The following TSHZ2 variants were observed in gnomAD, a reference collection of about 807,000 sequenced individuals.
TSHZ2 encodes the protein teashirt zinc finger homeobox 2, also known as teashirt homolog 2.
TSHZ2 carries 21 observed loss-of-function variants against 74.4 expected under a neutral mutation model. That is an observed-to-expected ratio of 0.28 (90% CI 0.20 to 0.41). TSHZ2 has a LOEUF of 0.41. Ranked by LOEUF, TSHZ2 falls within the 10% of genes least tolerant of loss-of-function variation. The pLI, the probability that TSHZ2 is intolerant of heterozygous loss-of-function variation, is 1.00. For missense variants in TSHZ2, 1,244 were observed against 1,293.5 expected, an observed-to-expected ratio of 0.96 and a Z score of 0.59; for synonymous variants, 540 against 515.3, an observed-to-expected ratio of 1.05 and a Z score of -0.65.
At chr20:53,307,345 A>G (rs1346056631) in intron 2 of TSHZ2, among the ~76,000 whole-genome samples, 1 of 152,186 alleles carries the variant, frequency 6.6e-6, no homozygotes, top group Non-Finnish European at 1.5e-5. Flanking sequence ...TCTCTGAGCT[A>G]TAGAGCTGTC....
At chr20:53,184,427 G>A (rs1026162577) in intron 1 of TSHZ2, among the ~76,000 whole-genome samples, 2 of 152,078 alleles carry the variant, frequency 1.3e-5, no homozygotes, top group Non-Finnish European at 1.5e-5. Flanking sequence ...TTGTTTTTCT[G>A]AGCATTTTAC....
chr20:53,472,867 T>C (rs1261542406), intron 2 of TSHZ2, among the ~76,000 whole-genome samples: 1 of 151,896 alleles, frequency 6.6e-6, no homozygotes, highest in African/African-American at 2.4e-5. Flanking sequence ...GTCAGGGAGT[T>C]CCCTTTCCGA....
At chr20:53,355,504 G>A (rs1301001620) in intron 2 of TSHZ2, among the ~76,000 whole-genome samples, 4 of 152,100 alleles carry the variant, frequency 2.6e-5, no homozygotes, top group Non-Finnish European at 5.9e-5. Context: ...AAAGAATCCA[G>A]ACATAAAACA....
At chr20:53,231,077 C>T (rs1041530148) in intron 1 of TSHZ2, among the ~76,000 whole-genome samples, 8 of 152,166 alleles carry the variant, frequency 5.3e-5, no homozygotes, top group African/African-American at 1.9e-4. Flanking sequence ...TTTGTCAAAG[C>T]AGCAGCAACT....
intron 2 of TSHZ2, among the ~76,000 whole-genome samples, chr20:53,360,849 C>G (rs1263194742): frequency 6.6e-6 from 1 of 152,124 alleles, no homozygotes; most frequent in Non-Finnish European, 1.5e-5. Flanking sequence ...TATGACAAAC[C>G]TTATATTAAA....
At chr20:53,469,882 AAAGAG>A (rs2088565765) in intron 2 of TSHZ2, among the ~76,000 whole-genome samples, 1 of 136,704 alleles carries the variant, frequency 7.3e-6, no homozygotes, top group African/African-American at 2.7e-5. Flanking sequence ...GAAAGAAAAA[AAAGAG>A]AGAGAGGAAA....
At chr20:53,384,773 A>G (rs1016692327) in intron 2 of TSHZ2, among the ~76,000 whole-genome samples, 2 of 152,208 alleles carry the variant, frequency 1.3e-5, no homozygotes, top group African/African-American at 4.8e-5. Flanking sequence ...TTAGACATCA[A>G]TGGAGGATAT....
chr20:53,279,310 C>T (rs1404536030), intron 2 of TSHZ2, among the ~76,000 whole-genome samples: 1 of 152,182 alleles, frequency 6.6e-6, no homozygotes, highest in Non-Finnish European at 1.5e-5. Context: ...TAGATTATAT[C>T]CCAGTGAATG....
chr20:53,291,288 A>T (rs1991272990), intron 2 of TSHZ2, among the ~76,000 whole-genome samples: 2 of 152,248 alleles, frequency 1.3e-5, no homozygotes, highest in South Asian at 4.1e-4. Context: ...CCCGGCCAAC[A>T]TGGTGAAACC....
chr20:53,244,049 A>G lies in TSHZ2; in HGVS notation c.41-9450A>G, dbSNP rs1000227846. ...AAGATGTTTGACTTCAAGCCAGGCAAAAAGGAAACAAGATCACCTTCTAGC... is the reference window on the plus strand; with the variant it reads ...AAGATGTTTGACTTCAAGCCAGGCAGAAAGGAAACAAGATCACCTTCTAGC... On this transcript the variant is annotated intron_variant, in intron 1 of 2. Coordinates refer to ENST00000371497, the MANE Select transcript of TSHZ2 (RefSeq NM_173485.6). 5.9e-5 allele frequency among the ~76,000 whole-genome samples: 9 copies of G among 152,224 alleles called. No individual in the cohort carries two copies. In the South Asian group the frequency reaches 1.9e-3, roughly 32 times the overall value.
intron 1 of TSHZ2, among the ~76,000 whole-genome samples, chr20:53,120,470 G>A (rs115194312): frequency 6.3e-4 from 96 of 152,212 alleles, no homozygotes; most frequent in African/African-American, 2.2e-3. Context: ...CCGTAAGAAT[G>A]GGGAAATAAA....
rs34385917 is a variant in TSHZ2, at chr20:53,196,366, T to TAAAAAAAAAAAAAAAAAAAA, written c.41-57126_41-57107dup. On this transcript the variant is annotated intron_variant, in intron 1 of 2. Coordinates refer to ENST00000371497, the MANE Select transcript of TSHZ2 (RefSeq NM_173485.6). Reference sequence around the variant, plus strand: ...CCCGGAGGCATCAAGAATCTGCTGCTAAAAAAAAAAAAAAAAAAAAAAAAA... The same window carrying TAAAAAAAAAAAAAAAAAAAA: ...CCCGGAGGCATCAAGAATCTGCTGCTAAAAAAAAAAAAAAAAAAAAAAAAAAAAAAAAAAAAAAAAAAAAA... 40 of 109,664 alleles carry TAAAAAAAAAAAAAAAAAAAA rather than the reference T, an allele frequency of 3.6e-4. 1 individual carries two copies. Among genetic ancestry groups the TAAAAAAAAAAAAAAAAAAAA allele is most frequent in the African/African-American group, 1.2e-3 (38 of 32,196 alleles). The allele number at this position is 109,664 out of a possible 1,614,324, so 6.8% of individuals were successfully genotyped here.
chr20:53,478,317 G>A (rs1215408072), intron 2 of TSHZ2, among the ~76,000 whole-genome samples: 1 of 151,602 alleles, frequency 6.6e-6, no homozygotes, highest in African/African-American at 2.4e-5. Flanking sequence ...ATACACCATG[G>A]AATACTATGC....
chr20:53,271,687 G>T (rs1247504414), intron 2 of TSHZ2, among the ~76,000 whole-genome samples: 1 of 152,204 alleles, frequency 6.6e-6, no homozygotes, highest in Non-Finnish European at 1.5e-5. Context: ...TAGCCAGGAG[G>T]ATAAGAGGGA....
chr20:53,052,715 C>T (rs1170066693), intron 1 of TSHZ2, among the ~76,000 whole-genome samples: 2 of 152,176 alleles, frequency 1.3e-5, no homozygotes. Flanking sequence ...ACATGGGTTA[C>T]TTCCACCTCT....
chr20:53,389,647 T>C (rs796852523), intron 2 of TSHZ2, among the ~76,000 whole-genome samples: 18 of 152,278 alleles, frequency 1.2e-4, no homozygotes, highest in African/African-American at 3.9e-4. Context: ...GCTCTGCTGG[T>C]TGATGTTATT....
At chr20:53,008,573 C>T (rs545839051) in intron 1 of TSHZ2, among the ~76,000 whole-genome samples, 16 of 145,288 alleles carry the variant, frequency 1.1e-4, no homozygotes, top group African/African-American at 1.3e-4. Context: ...TTTTTTTTTA[C>T]GGGAATTGAC....
rs1005992034 is a variant in TSHZ2 at position 53,394,859 on chromosome 20, CAAAAAAAAAAA to C, written c.*9-92268_*9-92258del. Among the ~76,000 whole-genome samples the C allele has an allele frequency of 1.9e-3, 85 of 44,126 alleles. 3 individuals are homozygous for C. Among genetic ancestry groups the C allele is most frequent in the African/African-American group, 6.1e-3 (79 of 12,938 alleles). 28.9% of individuals were successfully genotyped at this position (44,126 alleles called of 152,430 possible). A position where few individuals can be genotyped will look rare whatever the true frequency, so the allele number is the denominator to read the frequency against. On this transcript the variant is annotated intron_variant, in intron 2 of 2. Transcript: ENST00000371497. ...ATCCCACCTGTCCCCCAGAACTCAC[CAAAAAAAAAAA>C]AAAAAAAAAAAAAAAAGATCCAAAG... is the stretch of plus-strand genomic sequence containing the variant.
intron 1 of TSHZ2, among the ~76,000 whole-genome samples, chr20:53,065,458 G>A (rs958792966): frequency 6.6e-6 from 1 of 152,174 alleles, no homozygotes; most frequent in Non-Finnish European, 1.5e-5. Flanking sequence ...CAAGTAGAAG[G>A]TGAAAACGGA....
Sources: allele counts gnomAD v4.1 joint callset (sites outside exome capture counted in the v4.1 genomes callset), GRCh38; gene constraint gnomAD v4.1.1; transcripts MANE v1.5; gene names NCBI Gene and HGNC (gene_info 2026-07-23, HGNC 2026-07-21).